KIAA1586: variants seen among roughly 807,000 people sequenced by gnomAD.
KIAA1586 encodes KIAA1586.
In KIAA1586, 5 loss-of-function variants were observed where a neutral mutation model predicts 6.1. The ratio of observed to expected loss-of-function variants is 0.82; its 90% CI spans 0.43 to 1.73. The LOEUF (loss-of-function observed/expected upper bound fraction) is 1.73, where lower values mean the gene tolerates loss of function less well. Among genes scored for constraint, KIAA1586 ranks in the 40% most tolerant of loss-of-function variants. The probability of loss-of-function intolerance (pLI) is 0.02; values close to 1 mark genes in which losing one functional copy is unlikely to be tolerated. For missense variants in KIAA1586, 899 were observed against 878.2 expected (o/e 1.02, Z -0.30); for synonymous variants, 280 against 301.7 (o/e 0.93, Z 0.75).
downstream of KIAA1586, among the ~76,000 whole-genome samples, chr6:57,056,966 T>G (rs1188075224): frequency 6.6e-6 from 1 of 151,766 alleles, no homozygotes; most frequent in East Asian, 1.9e-4. Flanking sequence ...CTGTGGCTCA[T>G]GCCTGTAATC....
downstream of KIAA1586, among the ~76,000 whole-genome samples, chr6:57,057,160 G>A (rs149298815): frequency 6.6e-6 from 1 of 151,608 alleles, no homozygotes; most frequent in Non-Finnish European, 1.5e-5. Context: ...CACAGGAGGC[G>A]GAGGTTGCAG....
At chr6:57,047,430 G>A in intron 2 of KIAA1586, 34 bp downstream of exon 2, 1 of 24,062 alleles carries the variant, frequency 4.2e-5, no homozygotes, top group Non-Finnish European at 7.8e-5. Flanking sequence ...TTTTCCCAGA[G>A]TAAAAGACTA....
rs559376813 is a variant in KIAA1586, at chr6:57,053,088, A to T, written c.589A>T (p.Thr197Ser). ...AGTAACCCCTAATGGCAGTAATAAAACTACTAGGCAAGCTTCTCTACGAAA... is the reference window on the plus strand; with the variant it reads ...AGTAACCCCTAATGGCAGTAATAAATCTACTAGGCAAGCTTCTCTACGAAA... ...YLVTPNGSNK[T>S]TRQASLRKKI... The change falls in exon 4 of 4, where the codon ACT (threonine) becomes TCT (serine). Residue 197 changes from threonine to serine, a missense_variant. Physicochemically the swap from Thr to Ser is moderately conservative, Grantham distance 58 (BLOSUM62 1). Transcript: ENST00000370733. The T allele has an allele frequency of 6.2e-7, 1 of 1,610,344 alleles. No homozygotes were observed. Among genetic ancestry groups the T allele is most frequent in the African/African-American group, 1.3e-5 (1 of 74,656 alleles).
chr6:57,051,775 G>A (rs1330625331), intron 3 of KIAA1586, among the ~76,000 whole-genome samples: 1 of 152,060 alleles, frequency 6.6e-6, no homozygotes, highest in African/African-American at 2.4e-5. Flanking sequence ...CTCTACCAAA[G>A]ATACAAAAAC....
chr6:57,063,069 T>G, the KIAA1586 span, among the ~76,000 whole-genome samples: 9 of 151,966 alleles, frequency 5.9e-5, no homozygotes, highest in Non-Finnish European at 1.0e-4. Context: ...AAAAAAAAAT[T>G]GGAAATTTAA....
At chr6:57,065,244 A>C in the KIAA1586 span, among the ~76,000 whole-genome samples, 10 of 151,804 alleles carry the variant, frequency 6.6e-5, no homozygotes, top group African/African-American at 2.4e-4. Context: ...TTAATCTTCT[A>C]TATTTTGTTC....
At chr6:57,063,457 T>TC in the KIAA1586 span, among the ~76,000 whole-genome samples, 4 of 140,180 alleles carry the variant, frequency 2.9e-5, no homozygotes, top group African/African-American at 5.3e-5. Flanking sequence ...TTTCTTTTTT[T>TC]TTTTTTTTTT....
At chr6:57,058,272 T>C (rs370080940), downstream of KIAA1586, among the ~76,000 whole-genome samples, 2 of 152,084 alleles carry the variant, frequency 1.3e-5, no homozygotes, top group South Asian at 2.1e-4. Context: ...CACTAAATGA[T>C]ATGGTTTGAA....
chr6:57,053,916 A>G lies in KIAA1586; in HGVS notation c.1417A>G (p.Ile473Val). Reference sequence around the variant, plus strand: ...TGTAGCTAAAGAACTTGAAACTGAAATTATTAAAATTGGTCGAGTAATGGG... The same window carrying G: ...TGTAGCTAAAGAACTTGAAACTGAAGTTATTAAAATTGGTCGAGTAATGGG... ...GTVAKELETE[I>V]IKIGRVMGPR... The change falls in exon 4 of 4, where the codon ATT (isoleucine) becomes GTT (valine). Residue 473 changes from isoleucine (I) to valine (V), a missense_variant. Coordinates refer to ENST00000370733, the MANE Select transcript of KIAA1586 (RefSeq NM_020931.4). 1 of 1,581,572 alleles carries G rather than the reference A, an allele frequency of 6.3e-7. No homozygotes were observed. The highest frequency in any genetic ancestry group is 8.6e-7 in the Non-Finnish European group (1 of 1,168,492).
Position 57,046,714 on chromosome 6 carries a change from G to T in KIAA1586, c.-42G>T. Reference sequence around the variant, plus strand: ...GAGTGGTGGCGGCTGCGGCAGTAGGGACAGCAGGAGCAGTGGTGCTGTCAG... The same window carrying T: ...GAGTGGTGGCGGCTGCGGCAGTAGGTACAGCAGGAGCAGTGGTGCTGTCAG... On this transcript the variant is annotated 5_prime_UTR_variant, in exon 1 of 4. Transcript: ENST00000370733. The T allele has an allele frequency of 6.2e-6, 10 of 1,611,246 alleles. No individual in the cohort carries two copies. Among genetic ancestry groups the T allele is most frequent in the Non-Finnish European group, 7.6e-6 (9 of 1,178,906 alleles).
the KIAA1586 span, among the ~76,000 whole-genome samples, chr6:57,060,942 C>T: frequency 6.6e-6 from 1 of 151,460 alleles, no homozygotes; most frequent in African/African-American, 2.4e-5. Context: ...TGAACCACTG[C>T]ATCTGGCCTG....
At chr6:57,055,535 T>C (rs59129902), downstream of KIAA1586, among the ~76,000 whole-genome samples, 188 of 152,190 alleles carry the variant, frequency 1.2e-3, no homozygotes, top group African/African-American at 4.4e-3. Flanking sequence ...AGCAGATGGA[T>C]TCAATGCAAG....
At position 57,053,929 on chromosome 6, in the gene KIAA1586, G is replaced by A. The variant is rs2127911275; in HGVS notation, c.1430G>A (p.Gly477Asp). The change falls in exon 4 of 4, where the codon GGT (glycine) becomes GAT (aspartate). Residue 477 changes from glycine (G) to aspartate (D), a missense_variant. Transcript: ENST00000370733. ...CTTGAAACTGAAATTATTAAAATTGGTCGAGTAATGGGACCAAGATGGGCG... is the reference window on the plus strand; with the variant it reads ...CTTGAAACTGAAATTATTAAAATTGATCGAGTAATGGGACCAAGATGGGCG... ...KELETEIIKIGRVMGPRWAAC... is the reference protein window; with the variant it reads ...KELETEIIKIDRVMGPRWAAC... 6.3e-7 allele frequency: 1 copy of A among 1,581,062 alleles called. No homozygotes were observed. Among genetic ancestry groups the A allele is most frequent in the East Asian group, 2.2e-5 (1 of 44,508 alleles).
Position 57,052,715 on chromosome 6 carries a change from G to A in KIAA1586, c.216G>A (p.Gln72=). Residue 72 remains glutamine (Q), a synonymous_variant, in exon 4 of 4, where the codon CAG becomes CAA. Transcript: ENST00000370733. ...TGTTTCCTAAAATGCCAAAACGACA[G>A]GGTGATTTTTTGCATTTTTTAAATG... ...DILFPKMPKR[Q]GDFLHFLNVK... is the part of the protein sequence containing the mutation. The A allele has an allele frequency of 6.4e-7, 1 of 1,572,982 alleles. No individual in the cohort carries two copies. The highest frequency in any genetic ancestry group is 8.6e-7 in the Non-Finnish European group (1 of 1,162,358).
Position 57,054,502 on chromosome 6 carries a change from T to G in KIAA1586, c.2003T>G (p.Leu668Trp), listed in dbSNP as rs1298857497. The G allele has an allele frequency of 6.3e-7, 1 of 1,595,510 alleles. No homozygotes were observed. The highest frequency in any genetic ancestry group is 8.5e-7 in the Non-Finnish European group (1 of 1,171,858). ...AAAATTTTAAAATATGAAGTTGATT[T>G]GAATGATTTTCGGGAATTTGTAAAT... ...LCKILKYEVD[L>W]NDFREFVNNN... Residue 668 changes from leucine to tryptophan, a missense_variant, in exon 4 of 4, where the codon TTG (leucine) becomes TGG (tryptophan). By Grantham distance (61) the Leu-to-Trp change is moderately conservative. Transcript: ENST00000370733.
At chr6:57,059,678 A>C (rs1828540175), downstream of KIAA1586, among the ~76,000 whole-genome samples, 1 of 152,008 alleles carries the variant, frequency 6.6e-6, no homozygotes, top group African/African-American at 2.4e-5. Context: ...TCTCAAAACC[A>C]AGTTTCATCA....
In KIAA1586 at chr6:57,054,875, CG is replaced by C. The variant is rs1447212890; in HGVS notation, c.*13del. 12 of 1,524,066 alleles carry C rather than the reference CG, an allele frequency of 7.9e-6. No individual in the cohort carries two copies. The highest frequency in any genetic ancestry group is 1.7e-4 in the Middle Eastern group (1 of 5,850). The allele number at this position is 1,524,066 out of a possible 1,614,324, so 94.4% of individuals were successfully genotyped here. ...GGAACTTAAAATAGAATATTGTATA[CG>C]TTTTTTGTCATCTGTAAATTATGTA... On this transcript the variant is annotated 3_prime_UTR_variant, in exon 4 of 4. Coordinates refer to ENST00000370733, the MANE Select transcript of KIAA1586 (RefSeq NM_020931.4).
chr6:57,052,546 T>C (rs1308002691), intron 3 of KIAA1586, 140 bp from the exon 4 acceptor site: 2 of 565,330 alleles, frequency 3.5e-6, no homozygotes, highest in South Asian at 4.4e-5. Context: ...CATATTGATA[T>C]TATAGATATA....
At position 57,051,763 on chromosome 6, in the gene KIAA1586, A is replaced by C. The variant is rs150800827; in HGVS notation, c.186+909A>C. Among the ~76,000 whole-genome samples the C allele has an allele frequency of 7.7e-3, 1,170 of 152,238 alleles. 5 individuals carry two copies. Among genetic ancestry groups the C allele is most frequent in the Non-Finnish European group, 0.012 (810 of 68,012 alleles). On this transcript the variant is annotated intron_variant, in intron 3 of 3. Coordinates refer to ENST00000370733, the MANE Select transcript of KIAA1586 (RefSeq NM_020931.4). The stretch of plus-strand genomic sequence containing the variant: ...AGCCTGCCCAGTATAGTGAAACCTC[A>C]TCTCTACCAAAGATACAAAAACTAG...
Sources: allele counts gnomAD v4.1 joint callset (sites outside exome capture counted in the v4.1 genomes callset), GRCh38; gene constraint gnomAD v4.1.1; transcripts MANE v1.5; gene names NCBI Gene and HGNC (gene_info 2026-07-23, HGNC 2026-07-21).